Variants in MYO1H observed in about 807,000 individuals in gnomAD.
The protein encoded by MYO1H is myosin IH, also known as unconventional myosin-Ih.
A neutral mutation model predicts 149.3 loss-of-function variants in MYO1H; 118 were observed. That is an observed-to-expected ratio of 0.79 (90% CI 0.68 to 0.92). MYO1H has a LOEUF of 0.92. Among genes scored for constraint, MYO1H ranks in the 40% least tolerant of loss-of-function variants. The pLI is 0.00. For synonymous variants in MYO1H, 447 were observed against 465.2 expected, an observed-to-expected ratio of 0.96 and a Z score of 0.50; for missense variants, 1,212 against 1,280.7, an observed-to-expected ratio of 0.95 and a Z score of 0.82.
At chr12:109,318,578 A>C in the MYO1H span, among the ~76,000 whole-genome samples, 1 of 152,184 alleles carries the variant, frequency 6.6e-6, no homozygotes, top group Non-Finnish European at 1.5e-5. Flanking sequence ...CCTCCATGCT[A>C]TTCTTCCCAA....
chr12:109,358,178 T>C (rs1868651373), intron 1 of MYO1H, among the ~76,000 whole-genome samples: 1 of 151,748 alleles, frequency 6.6e-6, no homozygotes, highest in African/African-American at 2.4e-5. Context: ...ATCATGACAA[T>C]TACCAGAAGC....
chr12:109,441,585 A>G lies in MYO1H; in HGVS notation c.2539-30A>G, dbSNP rs745921938. 3.3e-6 allele frequency: 5 copies of G among 1,525,996 alleles called. No individual in the cohort carries two copies. In the South Asian group the frequency reaches 5.9e-5, roughly 18 times the overall value. 94.5% of individuals were successfully genotyped at this position (1,525,996 alleles called of 1,614,324 possible). ...TATCCCAAAGAAGCCTGTGGCTACC[A>G]TTTTTATACTTTCAATTGTGTATTA... On this transcript the variant is annotated intron_variant, in intron 25 of 31. Transcript: ENST00000310903.
the MYO1H span, among the ~76,000 whole-genome samples, chr12:109,320,904 G>A: frequency 2.0e-5 from 3 of 151,850 alleles, no homozygotes; most frequent in Non-Finnish European, 1.5e-5. Context: ...CCTGGCCAAC[G>A]TGGTGAAACC....
upstream of MYO1H, among the ~76,000 whole-genome samples, chr12:109,343,007 C>A (rs1177059623): frequency 6.6e-6 from 1 of 151,848 alleles, no homozygotes; most frequent in Non-Finnish European, 1.5e-5. Flanking sequence ...TCACTTGAAG[C>A]CAGGAGTTCA....
intron 1 of MYO1H, among the ~76,000 whole-genome samples, chr12:109,348,960 T>A (rs1014305872): frequency 2.6e-5 from 4 of 152,234 alleles, no homozygotes; most frequent in African/African-American, 9.6e-5. Flanking sequence ...CACTGAATAC[T>A]GTCACCTTGG....
chr12:109,318,050 G>T, the MYO1H span, among the ~76,000 whole-genome samples: 11 of 152,254 alleles, frequency 7.2e-5, no homozygotes, highest in South Asian at 2.3e-3. Context: ...GGTTTAAAAC[G>T]TACATTAAAG....
At chr12:109,407,940 G>A (rs760097660) in intron 10 of MYO1H, 27 bp downstream of exon 10, 7 of 1,609,426 alleles carry the variant, frequency 4.3e-6, no homozygotes, top group Non-Finnish European at 5.9e-6. Context: ...TGGATCCCTT[G>A]CTCTTGCTCA....
the MYO1H span, among the ~76,000 whole-genome samples, chr12:109,324,682 ATTTCTT>A: frequency 0.082 from 12,417 of 150,992 alleles, 654 homozygotes; most frequent in African/African-American, 0.14. Flanking sequence ...CTCAGTTCTC[ATTTCTT>A]TTTCTTTTTC....
At chr12:109,424,828 A>C in exon 17 of MYO1H, 4 of 1,613,384 alleles carry the variant, frequency 2.5e-6, no homozygotes, top group Non-Finnish European at 3.4e-6. Context: ...GGCCCCCAAC[A>C]GTGAGTGGGA....
intron 19 of MYO1H, 67 bp from the exon 20 acceptor site, chr12:109,432,830 C>T (rs545672279): frequency 8.1e-6 from 11 of 1,357,474 alleles, no homozygotes; most frequent in African/African-American, 1.4e-5. Flanking sequence ...CCTCTGGGGC[C>T]GGGGATGTGG....
At chr12:109,396,823 T>G (rs1869934009) in intron 4 of MYO1H, among the ~76,000 whole-genome samples, 1 of 123,794 alleles carries the variant, frequency 8.1e-6, no homozygotes, top group African/African-American at 3.1e-5. Flanking sequence ...CGTTTTTTTT[T>G]TTTTTTTTTT....
chr12:109,319,789 G>C, the MYO1H span, among the ~76,000 whole-genome samples: 2 of 152,264 alleles, frequency 1.3e-5, no homozygotes, highest in East Asian at 3.9e-4. Flanking sequence ...CTAGATGTTA[G>C]ATGTTGCCCA....
intron 15 of MYO1H, among the ~76,000 whole-genome samples, chr12:109,420,120 A>C (rs2338101): frequency 0.18 from 27,208 of 151,728 alleles, 2,889 homozygotes; most frequent in African/African-American, 0.29. Flanking sequence ...GTTCAGTGCC[A>C]CTCTGTTTCT....
chr12:109,393,311 G>A lies in MYO1H; in HGVS notation c.175-20G>A. On this transcript the variant is annotated intron_variant, in intron 2 of 31. Coordinates refer to ENST00000310903, the Ensembl canonical transcript of MYO1H. ...TTGCACCCCAGAATTCCTCACTTGT[G>A]CTTTGGTCCATTTCTCTAGACATAT... 1.3e-6 allele frequency: 2 copies of A among 1,482,082 alleles called. No individual in the cohort carries two copies. Among genetic ancestry groups the A allele is most frequent in the Non-Finnish European group, 1.8e-6 (2 of 1,081,206 alleles). 91.8% of individuals were successfully genotyped at this position (1,482,082 alleles called of 1,614,324 possible).
the MYO1H span, among the ~76,000 whole-genome samples, chr12:109,342,493 G>A: frequency 6.8e-5 from 10 of 147,010 alleles, no homozygotes; most frequent in Non-Finnish European, 1.3e-4. Context: ...TTTCTGTTGC[G>A]TGGTTTATGG....
chr12:109,431,110 T>G (rs1222811572), intron 19 of MYO1H, among the ~76,000 whole-genome samples: 1 of 146,832 alleles, frequency 6.8e-6, no homozygotes, highest in Non-Finnish European at 1.5e-5. Flanking sequence ...CCAGGCACGG[T>G]GGCTCACACC....
chr12:109,446,700 G>A (rs1872494205), intron 31 of MYO1H, among the ~76,000 whole-genome samples: 1 of 152,168 alleles, frequency 6.6e-6, no homozygotes, highest in African/African-American at 2.4e-5. Flanking sequence ...GGAGGCGGAG[G>A]TTGCAGTGAG....
chr12:109,323,470 C>G, the MYO1H span, among the ~76,000 whole-genome samples: 2 of 152,238 alleles, frequency 1.3e-5, no homozygotes, highest in African/African-American at 4.8e-5. Context: ...TTGGTGGGAA[C>G]AGAAATGCAC....
the MYO1H span, among the ~76,000 whole-genome samples, chr12:109,321,504 G>A: frequency 5.3e-5 from 8 of 152,208 alleles, no homozygotes; most frequent in Admixed American, 4.6e-4. Flanking sequence ...AGTGAGCCGA[G>A]ATTGTGCCAC....
Sources: gnomAD v4.1 joint callset for allele counts (sites outside exome capture counted in the v4.1 genomes callset) on GRCh38, gnomAD v4.1.1 for gene constraint, MANE v1.5 for transcripts, NCBI Gene and HGNC (gene_info 2026-07-23, HGNC 2026-07-21) for gene names.